Variants in GRM7 observed in about 807,000 individuals in gnomAD.
GRM7 encodes metabotropic glutamate receptor 7.
GRM7 carries 35 observed loss-of-function variants against 84.5 expected under a neutral mutation model. The observed-to-expected ratio is 0.41, with a 90% confidence interval of 0.32 to 0.55. GRM7 has a LOEUF of 0.55. GRM7 is among the 20% of genes least tolerant of loss of function. GRM7 has a pLI of 0.19. For synonymous variants in GRM7, 487 were observed against 455.1 expected (o/e 1.07, Z -0.89); for missense variants, 1,003 against 1,194.6 (o/e 0.84, Z 2.36).
At chr3:7,082,800 A>G (rs1178637118) in intron 1 of GRM7, among the ~76,000 whole-genome samples, 1 of 152,146 alleles carries the variant, frequency 6.6e-6, no homozygotes, top group East Asian at 1.9e-4. Context: ...GGTTCAAGAC[A>G]CCAATGGAAA....
chr3:6,977,062 T>C (rs1469487033), intron 1 of GRM7, among the ~76,000 whole-genome samples: 2 of 152,152 alleles, frequency 1.3e-5, no homozygotes, highest in African/African-American at 4.8e-5. Context: ...GCTGGCCATT[T>C]ATTGATTAAT....
In GRM7 at chr3:7,105,968, T is replaced by G. The variant is rs527643366; in HGVS notation, c.520-40484T>G. On this transcript the variant is annotated intron_variant, in intron 1 of 9. Coordinates refer to ENST00000357716, the MANE Select transcript of GRM7 (RefSeq NM_000844.4). Reference sequence around the variant, plus strand: ...TATTGGTATTTATTGATACTTTTTCTTCACAATTCAAATTAAATAGTATCA... The same window carrying G: ...TATTGGTATTTATTGATACTTTTTCGTCACAATTCAAATTAAATAGTATCA... Among the ~76,000 whole-genome samples, 13 of 152,024 alleles carry G rather than the reference T, an allele frequency of 8.6e-5. 1 individual carries two copies. The South Asian group carries it at 2.5e-3, about 29-fold the overall frequency.
At chr3:7,656,326 CA>C (rs1343540701) in intron 8 of GRM7, among the ~76,000 whole-genome samples, 2 of 151,768 alleles carry the variant, frequency 1.3e-5, no homozygotes, top group Non-Finnish European at 2.9e-5. Flanking sequence ...CTGTCTCTAC[CA>C]AAAATATAGC....
chr3:7,347,092 G>T (rs1239700721), intron 4 of GRM7, among the ~76,000 whole-genome samples: 1 of 152,122 alleles, frequency 6.6e-6, no homozygotes, highest in African/African-American at 2.4e-5. Flanking sequence ...AGTGTGTTAA[G>T]CTTCTCCAAC....
chr3:6,998,488 G>A (rs1195673566), intron 1 of GRM7, among the ~76,000 whole-genome samples: 1 of 152,190 alleles, frequency 6.6e-6, no homozygotes, highest in Non-Finnish European at 1.5e-5. Flanking sequence ...GGAAAATGGT[G>A]ATCCTCTTCT....
chr3:7,290,628 A>G (rs60037924), intron 2 of GRM7, among the ~76,000 whole-genome samples: 4,701 of 152,166 alleles, frequency 0.031, 241 homozygotes, highest in African/African-American at 0.11. Flanking sequence ...TTATCTAAGC[A>G]TTCAGTTTCC....
chr3:7,048,778 C>G (rs1696888228), intron 1 of GRM7, among the ~76,000 whole-genome samples: 1 of 151,886 alleles, frequency 6.6e-6, no homozygotes, highest in African/African-American at 2.4e-5. Context: ...GATTATAATA[C>G]CTTACCTATA....
At chr3:6,941,503 G>A (rs1697892634) in intron 1 of GRM7, among the ~76,000 whole-genome samples, 1 of 152,152 alleles carries the variant, frequency 6.6e-6, no homozygotes, top group Non-Finnish European at 1.5e-5. Context: ...GAGAAATTGA[G>A]GATGAAGAAC....
chr3:7,419,009 A>G (rs925414295), intron 5 of GRM7, among the ~76,000 whole-genome samples: 10 of 152,172 alleles, frequency 6.6e-5, no homozygotes, highest in Non-Finnish European at 1.2e-4. Context: ...TTACTAGCAC[A>G]TAGTCGTAGC....
chr3:7,444,535 A>G (rs1697423473), intron 5 of GRM7, among the ~76,000 whole-genome samples: 1 of 152,174 alleles, frequency 6.6e-6, no homozygotes, highest in African/African-American at 2.4e-5. Context: ...ACCTTTACTG[A>G]ACAGATTGGC....
intron 9 of GRM7, among the ~76,000 whole-genome samples, chr3:7,738,639 A>G (rs2106532467): frequency 6.6e-6 from 1 of 152,192 alleles, no homozygotes; most frequent in Non-Finnish European, 1.5e-5. Flanking sequence ...TTTACTAGAC[A>G]GTTATGCTAC....
intron 7 of GRM7, among the ~76,000 whole-genome samples, chr3:7,549,338 GC>G (rs1229009464): frequency 2.0e-5 from 3 of 152,076 alleles, no homozygotes; most frequent in African/African-American, 7.2e-5. Context: ...ATAATTGTAT[GC>G]TACATTGCCT....
intron 8 of GRM7, among the ~76,000 whole-genome samples, chr3:7,617,694 A>G (rs1360943503): frequency 1.3e-5 from 2 of 152,168 alleles, no homozygotes; most frequent in Non-Finnish European, 1.5e-5. Context: ...AACAGAATTG[A>G]TATAGCCTTA....
chr3:7,360,789 C>T (rs1199537083), intron 4 of GRM7, among the ~76,000 whole-genome samples: 1 of 152,112 alleles, frequency 6.6e-6, no homozygotes, highest in Admixed American at 6.6e-5. Flanking sequence ...AAAGAATGTT[C>T]AAGCGTAGCA....
chr3:7,334,305 C>T (rs568722224), intron 4 of GRM7, among the ~76,000 whole-genome samples: 11 of 152,102 alleles, frequency 7.2e-5, no homozygotes, highest in African/African-American at 2.6e-4. Context: ...TCTTTAGCCT[C>T]CTTAAACAAA....
At chr3:6,871,845 A>G (rs1695132575) in intron 1 of GRM7, among the ~76,000 whole-genome samples, 1 of 152,140 alleles carries the variant, frequency 6.6e-6, no homozygotes, top group African/African-American at 2.4e-5. Flanking sequence ...ATAGCTTCTG[A>G]AGAACGGAAC....
chr3:7,578,807 C>A lies in GRM7; in HGVS notation c.1901C>A (p.Thr634Lys). 1 of 1,614,072 alleles carries A rather than the reference C, an allele frequency of 6.2e-7. No homozygotes were observed. Residue 634 changes from threonine to lysine, a missense_variant, in exon 8 of 10, where the codon ACG (threonine) becomes AAG (lysine). By Grantham distance (78) the Thr-to-Lys change is moderately conservative. Transcript: ENST00000357716. Reference sequence around the variant, plus strand: ...CGGGAACTCAGCTATGTTCTTTTGACGGGCATCTTTCTTTGCTACATCATC... The same window carrying A: ...CGGGAACTCAGCTATGTTCTTTTGAAGGGCATCTTTCTTTGCTACATCATC... The part of the protein sequence containing the change: ...SGRELSYVLL[T>K]GIFLCYIITF...
chr3:7,463,450 G>T (rs1183122186), intron 7 of GRM7, among the ~76,000 whole-genome samples: 3 of 152,060 alleles, frequency 2.0e-5, no homozygotes, highest in African/African-American at 7.2e-5. Flanking sequence ...GTTTGGTTTT[G>T]GTTTTAAATA....
chr3:7,208,725 T>A (rs1696322367), intron 2 of GRM7, among the ~76,000 whole-genome samples: 1 of 152,204 alleles, frequency 6.6e-6, no homozygotes, highest in Non-Finnish European at 1.5e-5. Flanking sequence ...ACACATTCTT[T>A]CATTTAACCA....
Sources: gnomAD v4.1 joint callset for allele counts (sites outside exome capture counted in the v4.1 genomes callset) on GRCh38, gnomAD v4.1.1 for gene constraint, MANE v1.5 for transcripts, NCBI Gene and HGNC (gene_info 2026-07-23, HGNC 2026-07-21) for gene names.